The following METTL5 variants were observed in gnomAD, a reference collection of about 807,000 sequenced individuals.
METTL5 encodes the protein rRNA N(6)-adenosine-methyltransferase METTL5.
In METTL5, 28 loss-of-function variants were observed where a neutral mutation model predicts 26.5. The ratio of observed to expected loss-of-function variants is 1.06; its 90% CI spans 0.78 to 1.45. The LOEUF (loss-of-function observed/expected upper bound fraction) is 1.45, where lower values mean the gene tolerates loss of function less well. Among genes scored for constraint, METTL5 ranks in the 40% most tolerant of loss-of-function variants. METTL5 has a pLI of 0.00. For synonymous variants in METTL5, 86 were observed against 82.6 expected (o/e 1.04, Z -0.22); for missense variants, 231 against 249.9 (o/e 0.92, Z 0.51).
chr2:169,821,489 A>T (rs2081584693), intron 2 of METTL5, among the ~76,000 whole-genome samples: 1 of 151,828 alleles, frequency 6.6e-6, no homozygotes, highest in African/African-American at 2.4e-5. Context: ...CTGCTCAAGC[A>T]ATCCTCCCAC....
At chr2:169,812,143 T>G (rs997131786) in intron 6 of METTL5, 10 of 555,904 alleles carry the variant, frequency 1.8e-5, no homozygotes, top group Admixed American at 1.4e-4. Flanking sequence ...ACGATGGGCC[T>G]TTCCCACAGG....
At chr2:169,815,399 C>CATGCAGCTTT in intron 5 of METTL5, 78 bp downstream of exon 5, 1 of 979,772 alleles carries the variant, frequency 1.0e-6, no homozygotes, top group Non-Finnish European at 1.6e-6. Flanking sequence ...AGTTTATCTT[C>CATGCAGCTTT]TCAGCACCTG....
chr2:169,813,167 G>C (rs1406024580), intron 5 of METTL5: 1 of 145,546 alleles, frequency 6.9e-6, no homozygotes, highest in African/African-American at 2.6e-5. Flanking sequence ...TCGCTCTGTT[G>C]CTCAGGCTGG....
chr2:169,818,449 T>C (rs2081539751), intron 4 of METTL5, among the ~76,000 whole-genome samples: 1 of 152,206 alleles, frequency 6.6e-6, no homozygotes, highest in South Asian at 2.1e-4. Context: ...TCATCAAACC[T>C]GAGGGTGTTC....
chr2:169,824,499 C>T lies in METTL5; in HGVS notation c.99G>A (p.Pro33=). The T allele has an allele frequency of 6.2e-7, 1 of 1,613,712 alleles. No individual in the cohort carries two copies. Among genetic ancestry groups the T allele is most frequent in the Non-Finnish European group, 8.5e-7 (1 of 1,179,610 alleles). ...KLLLEQYPTR[P]HIAACMLYTI... is the part of the protein sequence containing the mutation. ...AACCAGCCGCCCTACCTGCAATGTG[C>T]GGCCTGGTAGGATACTGTTCCAGAA... The change falls in exon 1 of 7, where the codon CCG becomes CCA. Residue 33 remains proline (P), a synonymous_variant. Transcript: ENST00000260953.
intron 2 of METTL5, 60 bp downstream of exon 2, chr2:169,821,883 C>A: frequency 7.0e-7 from 1 of 1,434,724 alleles, no homozygotes; most frequent in South Asian, 1.2e-5. Flanking sequence ...TCAGTTAATC[C>A]CATTGATGCT....
chr2:169,819,445 G>A (rs2081553836), intron 4 of METTL5, 116 bp downstream of exon 4: 3 of 685,014 alleles, frequency 4.4e-6, no homozygotes, highest in African/African-American at 3.6e-5. Flanking sequence ...AGTTTCACAT[G>A]TCAAAATGGT....
At chr2:169,814,895 T>C (rs1449805792) in intron 5 of METTL5, among the ~76,000 whole-genome samples, 1 of 149,814 alleles carries the variant, frequency 6.7e-6, no homozygotes, top group African/African-American at 2.5e-5. Context: ...TTTCATTTGT[T>C]TGTTTTTGTT....
In METTL5 at chr2:169,815,530, T is replaced by C. The variant is rs947905101; in HGVS notation, c.490-2A>G. On this transcript the variant is annotated splice_acceptor_variant, in intron 4 of 6. Coordinates refer to ENST00000260953, the MANE Select transcript of METTL5 (RefSeq NM_014168.4). LOFTEE classifies it high-confidence loss of function. Reference sequence around the variant, plus strand: ...TTCTGCAGCTTTCTTTTGAACATGCTGAACATAAATAATATGTTGTTATGA... The same window carrying C: ...TTCTGCAGCTTTCTTTTGAACATGCCGAACATAAATAATATGTTGTTATGA... 1.4e-5 allele frequency: 22 copies of C among 1,594,326 alleles called. No individual in the cohort carries two copies. Among genetic ancestry groups the C allele is most frequent in the Non-Finnish European group, 1.9e-5 (22 of 1,165,880 alleles).
intron 1 of METTL5, among the ~76,000 whole-genome samples, chr2:169,823,361 C>G (rs189013834): frequency 3.9e-5 from 6 of 152,182 alleles, no homozygotes; most frequent in African/African-American, 1.4e-4. Flanking sequence ...GAAAACTGGT[C>G]TTAACCTAGA....
chr2:169,821,800 G>T, intron 2 of METTL5, 143 bp downstream of exon 2: 1 of 642,238 alleles, frequency 1.6e-6, no homozygotes, highest in Non-Finnish European at 2.7e-6. Flanking sequence ...TAGATCTTCT[G>T]CCCATTCAAA....
chr2:169,820,184 C>G (rs185736031), intron 3 of METTL5, among the ~76,000 whole-genome samples: 1 of 151,926 alleles, frequency 6.6e-6, no homozygotes, highest in Non-Finnish European at 1.5e-5. Flanking sequence ...CTCAAACTCC[C>G]GACCTCAGGT....
rs1205122140 is a variant in METTL5 at position 169,812,456 on chromosome 2, C to G, written c.591+1G>C. 6.2e-7 allele frequency: 1 copy of G among 1,613,878 alleles called. No individual in the cohort carries two copies. Among genetic ancestry groups the G allele is most frequent in the Non-Finnish European group, 8.5e-7 (1 of 1,179,958 alleles). ...AGACCAGCCAAAATCAAGAGACTTA[C>G]TGATTTCTTTTTGTGAAACTTGTAT... On this transcript the variant is annotated splice_donor_variant, in intron 6 of 6. Transcript: ENST00000260953. LOFTEE classifies it high-confidence loss of function.
chr2:169,821,970 C>T lies in METTL5; in HGVS notation c.197G>A (p.Ser66Asn). Residue 66 changes from serine to asparagine, a missense_variant, in exon 2 of 7, where the codon AGC (serine) becomes AAC (asparagine). Transcript: ENST00000260953. Reference protein sequence around the residue: ...ADLGCGCGVLSIGTAMLGAGL... With the variant: ...ADLGCGCGVLNIGTAMLGAGL... ...TGCTCCTAACATTGCAGTTCCGATGCTAAGTACTCCACAACCACATCCTAG... is the reference window on the plus strand; with the variant it reads ...TGCTCCTAACATTGCAGTTCCGATGTTAAGTACTCCACAACCACATCCTAG... The T allele has an allele frequency of 6.2e-7, 1 of 1,613,496 alleles. No homozygotes were observed. The highest frequency in any genetic ancestry group is 1.7e-5 in the Admixed American group (1 of 59,954).
Position 169,821,420 on chromosome 2 carries a change from C to CT in METTL5, c.225-148dup. ...TGAGTGTTTTCTTCTTTTTTTTTTT[C>CT]TTTTTTCAGACAGGATCTTGCTGTG... On this transcript the variant is annotated intron_variant, in intron 2 of 6. Transcript: ENST00000260953. 3 of 581,510 alleles carry CT rather than the reference C, an allele frequency of 5.2e-6. No individual in the cohort carries two copies. In the South Asian group the frequency reaches 7.2e-5, roughly 14 times the overall value. 36.0% of individuals were successfully genotyped at this position (581,510 alleles called of 1,614,324 possible). A position where few individuals can be genotyped will look rare whatever the true frequency, so the allele number is the denominator to read the frequency against.
intron 1 of METTL5, 36 bp from the exon 2 acceptor site, chr2:169,822,093 C>T (rs769012547): frequency 1.9e-6 from 3 of 1,573,394 alleles, no homozygotes; most frequent in African/African-American, 1.4e-5. Flanking sequence ...AGTAAGCAAG[C>T]CGGTGACTAA....
intron 4 of METTL5, among the ~76,000 whole-genome samples, chr2:169,817,922 T>A (rs926221714): frequency 6.6e-6 from 1 of 152,046 alleles, no homozygotes; most frequent in Non-Finnish European, 1.5e-5. Context: ...AAAAAAAAAA[T>A]TCATGTTATG....
chr2:169,823,148 A>AT (rs879613183), intron 1 of METTL5, among the ~76,000 whole-genome samples: 131 of 147,062 alleles, frequency 8.9e-4, no homozygotes, highest in Admixed American at 3.9e-3. Context: ...CACTAGGCTA[A>AT]TTTTTTTTTT....
chr2:169,821,915 C>T (rs1259182266), intron 2 of METTL5, 28 bp downstream of exon 2: 12 of 1,601,712 alleles, frequency 7.5e-6, no homozygotes, highest in Non-Finnish European at 1.0e-5. Flanking sequence ...CCACCCAATA[C>T]CCAAATAGCA....
Sources: gnomAD v4.1 joint callset for allele counts (sites outside exome capture counted in the v4.1 genomes callset) on GRCh38, gnomAD v4.1.1 for gene constraint, MANE v1.5 for transcripts, NCBI Gene and HGNC (gene_info 2026-07-23, HGNC 2026-07-21) for gene names.